MAGI3: variants seen among roughly 807,000 people sequenced by gnomAD.
The protein encoded by MAGI3 is membrane associated guanylate kinase, WW and PDZ domain containing 3, also known as membrane-associated guanylate kinase, WW and PDZ domain-containing protein 3.
MAGI3 carries 43 observed loss-of-function variants against 121.8 expected under a neutral mutation model. The observed-to-expected ratio is 0.35, with a 90% CI of 0.28 to 0.46. The LOEUF is 0.46. Ranked by LOEUF, MAGI3 falls within the 20% of genes least tolerant of loss-of-function variation. The pLI is 1.00. For missense variants in MAGI3, 1,547 were observed against 1,797.3 expected, an observed-to-expected ratio of 0.86 and a Z score of 2.52; for synonymous variants, 553 against 639.3, an observed-to-expected ratio of 0.86 and a Z score of 2.04.
At chr1:113,437,574 A>G (rs1316484060) in intron 1 of MAGI3, among the ~76,000 whole-genome samples, 1 of 151,320 alleles carries the variant, frequency 6.6e-6, no homozygotes, top group African/African-American at 2.4e-5. Context: ...CCCACTGGCA[A>G]AAATATTTCT....
chr1:113,404,749 A>G (rs1425360863), intron 1 of MAGI3, among the ~76,000 whole-genome samples: 2 of 152,164 alleles, frequency 1.3e-5, no homozygotes, highest in Admixed American at 1.3e-4. Flanking sequence ...AAACGATGAG[A>G]AAAACCTAAT....
At chr1:113,562,011 C>CGG (rs1660257237) in intron 2 of MAGI3, among the ~76,000 whole-genome samples, 1 of 152,092 alleles carries the variant, frequency 6.6e-6, no homozygotes, top group Non-Finnish European at 1.5e-5. Context: ...AACTCCCATT[C>CGG]ACAATTGCCA....
At position 113,521,088 on chromosome 1, in the gene MAGI3, AT is replaced by A. The variant is rs112195143; in HGVS notation, c.317-28411del. ...GAAAAATTTTGCCATAGTGCTATTC[AT>A]TTTTTTTTTTTTTTTGAGACAAAGT... On this transcript the variant is annotated intron_variant, in intron 1 of 20. Transcript: ENST00000307546. Among the ~76,000 whole-genome samples, 591 of 141,012 alleles carry A rather than the reference AT, an allele frequency of 4.2e-3. 2 individuals carry two copies. The highest frequency in any genetic ancestry group is 5.3e-3 in the African/African-American group (204 of 38,336). The allele number at this position is 141,012 out of a possible 152,430, so 92.5% of individuals were successfully genotyped here.
At chr1:113,460,231 TA>T (rs1182463202) in intron 1 of MAGI3, among the ~76,000 whole-genome samples, 1 of 152,020 alleles carries the variant, frequency 6.6e-6, no homozygotes, top group African/African-American at 2.4e-5. Flanking sequence ...TCCCTTAATG[TA>T]AAAAACTCTC....
chr1:113,676,518 G>T (rs1267770440), intron 19 of MAGI3, among the ~76,000 whole-genome samples: 2 of 152,194 alleles, frequency 1.3e-5, no homozygotes, highest in Non-Finnish European at 2.9e-5. Flanking sequence ...GCAATTAACT[G>T]TTAGACCCCA....
At chr1:113,552,000 A>G (rs889368472) in intron 2 of MAGI3, among the ~76,000 whole-genome samples, 2 of 151,916 alleles carry the variant, frequency 1.3e-5, no homozygotes. Flanking sequence ...TTTTATTCCT[A>G]CGAAATATAA....
intron 1 of MAGI3, among the ~76,000 whole-genome samples, chr1:113,404,655 G>T (rs1651579722): frequency 6.6e-6 from 1 of 152,134 alleles, no homozygotes; most frequent in Admixed American, 6.5e-5. Flanking sequence ...CACTGATTGT[G>T]GGGGCGGGGA....
chr1:113,402,213 A>G (rs1389470528), intron 1 of MAGI3, among the ~76,000 whole-genome samples: 2 of 152,154 alleles, frequency 1.3e-5, no homozygotes, highest in Non-Finnish European at 1.5e-5. Context: ...TTCTCTTGGA[A>G]CTAAGTGTAA....
At chr1:113,402,285 C>G (rs1414165026) in intron 1 of MAGI3, among the ~76,000 whole-genome samples, 3 of 152,102 alleles carry the variant, frequency 2.0e-5, no homozygotes, top group African/African-American at 7.2e-5. Flanking sequence ...GCAGTGGTAT[C>G]CCCGAACCTG....
At chr1:113,669,585 A>C (rs1647400742) in intron 16 of MAGI3, among the ~76,000 whole-genome samples, 1 of 152,226 alleles carries the variant, frequency 6.6e-6, no homozygotes, top group Non-Finnish European at 1.5e-5. Context: ...GCTGGAGTGC[A>C]GTGGCATGAT....
At chr1:113,529,257 T>C (rs1281026828) in intron 1 of MAGI3, among the ~76,000 whole-genome samples, 2 of 152,240 alleles carry the variant, frequency 1.3e-5, no homozygotes, top group Non-Finnish European at 2.9e-5. Flanking sequence ...AGCGTTGCTA[T>C]AATGAAAATT....
intron 1 of MAGI3, among the ~76,000 whole-genome samples, chr1:113,456,560 A>T (rs1654768253): frequency 6.6e-6 from 1 of 152,222 alleles, no homozygotes; most frequent in African/African-American, 2.4e-5. Flanking sequence ...ATTCAGCAGG[A>T]TATTAAAAGA....
chr1:113,582,449 G>A (rs977245458), intron 3 of MAGI3, among the ~76,000 whole-genome samples: 1 of 123,542 alleles, frequency 8.1e-6, no homozygotes, highest in African/African-American at 3.1e-5. Flanking sequence ...GCAGTTCAAT[G>A]TACTGGATTT....
At chr1:113,548,511 A>G (rs919469151) in intron 1 of MAGI3, among the ~76,000 whole-genome samples, 6 of 152,232 alleles carry the variant, frequency 3.9e-5, no homozygotes, top group Non-Finnish European at 8.8e-5. Flanking sequence ...AGTGATAGGA[A>G]GAGGACCCTA....
At chr1:113,392,756 G>A (rs1164561053) in intron 1 of MAGI3, among the ~76,000 whole-genome samples, 1 of 152,144 alleles carries the variant, frequency 6.6e-6, no homozygotes, top group Non-Finnish European at 1.5e-5. Flanking sequence ...ATAGTTTTGA[G>A]AATTTGTAAA....
At chr1:113,529,107 G>A (rs1658587629) in intron 1 of MAGI3, among the ~76,000 whole-genome samples, 1 of 152,098 alleles carries the variant, frequency 6.6e-6, no homozygotes, top group Non-Finnish European at 1.5e-5. Flanking sequence ...GAGAAGTTTG[G>A]CTTTTATTTT....
At chr1:113,491,794 A>G (rs985171933) in intron 1 of MAGI3, among the ~76,000 whole-genome samples, 5 of 152,176 alleles carry the variant, frequency 3.3e-5, no homozygotes, top group Admixed American at 3.3e-4. Flanking sequence ...TCCTGGACCC[A>G]TATACCCTCT....
chr1:113,545,046 T>TA (rs1334293211), intron 1 of MAGI3, among the ~76,000 whole-genome samples: 2 of 151,680 alleles, frequency 1.3e-5, no homozygotes, highest in Non-Finnish European at 2.9e-5. Flanking sequence ...TTTTTTTTTT[T>TA]AACAAAATAT....
intron 1 of MAGI3, among the ~76,000 whole-genome samples, chr1:113,437,790 C>CTT (rs1653649127): frequency 6.8e-6 from 1 of 147,498 alleles, no homozygotes; most frequent in Admixed American, 6.8e-5. Flanking sequence ...TCTTCTTCTT[C>CTT]CTTCTTCTTT....
Sources: gnomAD v4.1 joint callset for allele counts (sites outside exome capture counted in the v4.1 genomes callset) on GRCh38, gnomAD v4.1.1 for gene constraint, MANE v1.5 for transcripts, NCBI Gene and HGNC (gene_info 2026-07-23, HGNC 2026-07-21) for gene names.